The following ZFYVE9 variants were observed in gnomAD, a reference collection of about 807,000 sequenced individuals.
ZFYVE9 encodes zinc finger FYVE-type containing 9.
ZFYVE9 carries 43 observed loss-of-function variants against 126.7 expected under a neutral mutation model. The ratio of observed to expected loss-of-function variants is 0.34; its 90% CI spans 0.27 to 0.44. The LOEUF is 0.44. Ranked by LOEUF, ZFYVE9 falls within the 20% of genes least tolerant of loss-of-function variation. The probability of loss-of-function intolerance (pLI) is 1.00; values close to 1 mark genes in which losing one functional copy is unlikely to be tolerated. For missense variants in ZFYVE9, 1,476 were observed against 1,697.0 expected, an observed-to-expected ratio of 0.87 and a Z score of 2.29; for synonymous variants, 521 against 597.4, an observed-to-expected ratio of 0.87 and a Z score of 1.87.
chr1:52,296,579 A>C (rs1402868715), intron 12 of ZFYVE9, among the ~76,000 whole-genome samples: 1 of 152,044 alleles, frequency 6.6e-6, no homozygotes, highest in Non-Finnish European at 1.5e-5. Flanking sequence ...GGTTGGCTTG[A>C]GTCCACTAAG....
intron 13 of ZFYVE9, among the ~76,000 whole-genome samples, chr1:52,322,843 C>T (rs756214954): frequency 2.6e-4 from 40 of 151,968 alleles, no homozygotes; most frequent in Non-Finnish European, 3.8e-4. Context: ...CTCGCTCTAT[C>T]GCCCAGGCTG....
chr1:52,307,959 A>G (rs991137814), intron 13 of ZFYVE9, among the ~76,000 whole-genome samples: 1 of 151,764 alleles, frequency 6.6e-6, no homozygotes, highest in Non-Finnish European at 1.5e-5. Context: ...TCACCGTGTT[A>G]GCCAGGATGG....
chr1:52,160,263 A>G (rs1264110211), intron 1 of ZFYVE9: 2 of 890,614 alleles, frequency 2.2e-6, no homozygotes, highest in East Asian at 4.8e-5. Context: ...CTTTTCAATT[A>G]AATCTTTACA....
chr1:52,215,748 A>G (rs1420311084), intron 1 of ZFYVE9, among the ~76,000 whole-genome samples: 2 of 152,170 alleles, frequency 1.3e-5, no homozygotes, highest in African/African-American at 4.8e-5. Context: ...CTTAATGGAT[A>G]TTGTCGTATT....
intron 13 of ZFYVE9, among the ~76,000 whole-genome samples, chr1:52,324,270 C>A (rs986648772): frequency 1.1e-4 from 17 of 150,496 alleles, no homozygotes; most frequent in Admixed American, 9.3e-4. Flanking sequence ...CACACACACA[C>A]ACAAAAACAA....
At chr1:52,340,911 A>C (rs1315438985) in intron 17 of ZFYVE9, among the ~76,000 whole-genome samples, 25 of 130,870 alleles carry the variant, frequency 1.9e-4, no homozygotes, top group South Asian at 4.8e-4. Flanking sequence ...TCTCAAAAAA[A>C]AAAAAAAAAA....
rs375205302 is a variant in ZFYVE9, at chr1:52,335,866, GCTCACGC to G, written c.3670+1101_3670+1107del. Among the ~76,000 whole-genome samples the G allele has an allele frequency of 3.9e-3, 597 of 152,270 alleles. 3 individuals carry two copies. The highest frequency in any genetic ancestry group is 0.014 in the African/African-American group (569 of 41,536). The stretch of plus-strand genomic sequence containing the variant: ...GTCCTTTCTTAGGCCGGGTGCGGTG[GCTCACGC>G]CTGTAATCTCAGCACTTTGGGAGGC... On this transcript the variant is annotated intron_variant, in intron 15 of 18. Coordinates refer to ENST00000287727, the MANE Select transcript of ZFYVE9 (RefSeq NM_004799.4).
At chr1:52,305,740 T>C (rs1476315428) in intron 13 of ZFYVE9, among the ~76,000 whole-genome samples, 2 of 151,954 alleles carry the variant, frequency 1.3e-5, no homozygotes, top group African/African-American at 4.8e-5. Context: ...GCTACCCGAG[T>C]TGTGGCTACG....
In ZFYVE9 at chr1:52,239,152, G is replaced by A. The variant is rs1157731522; in HGVS notation, c.1735G>A (p.Ala579Thr). 1.2e-6 allele frequency: 2 copies of A among 1,614,118 alleles called. No individual in the cohort carries two copies. Among genetic ancestry groups the A allele is most frequent in the East Asian group, 4.5e-5 (2 of 44,888 alleles). ...ATCTATCAGTGTTCCTTTTGGTGGTGCAAGACCCAAGCAACCTTCTAATCT... is the reference window on the plus strand; with the variant it reads ...ATCTATCAGTGTTCCTTTTGGTGGTACAAGACCCAAGCAACCTTCTAATCT... The part of the protein sequence containing the change: ...LPSISVPFGG[A>T]RPKQPSNLKL... The change falls in exon 4 of 19, where the codon GCA becomes ACA. Residue 579 changes from alanine (A) to threonine (T), a missense_variant. Ala to Thr is a moderately conservative substitution (Grantham distance 58). Transcript: ENST00000287727.
chr1:52,273,818 CAA>C (rs61193193), intron 7 of ZFYVE9, among the ~76,000 whole-genome samples: 852 of 75,564 alleles, frequency 0.011, 3 homozygotes, highest in South Asian at 0.074. Context: ...GACTCCTTCT[CAA>C]AAAAAAAAAA....
chr1:52,317,874 A>G (rs936012475), intron 13 of ZFYVE9, among the ~76,000 whole-genome samples: 4 of 152,212 alleles, frequency 2.6e-5, no homozygotes, highest in Non-Finnish European at 5.9e-5. Flanking sequence ...TTAAATAGAT[A>G]ACCTAAATAG....
chr1:52,166,605 AC>A (rs1644515999), intron 1 of ZFYVE9, among the ~76,000 whole-genome samples: 1 of 151,712 alleles, frequency 6.6e-6, no homozygotes, highest in Non-Finnish European at 1.5e-5. Flanking sequence ...TACTAATTCT[AC>A]CCTGATGATT....
Position 52,263,758 on chromosome 1 carries a change from C to CCG in ZFYVE9, c.2179-14_2179-13insGC, listed in dbSNP as rs760586396. Reference sequence around the variant, plus strand: ...AAGTAAATTTTGTGTGTTCTTCCCCCCCCCCCCCCCACAGGTTTTCTGTGC... The same window carrying CCG: ...AAGTAAATTTTGTGTGTTCTTCCCCCCGCCCCCCCCCCACAGGTTTTCTGTGC... On this transcript the variant is annotated splice_polypyrimidine_tract_variant and intron_variant, in intron 4 of 18. Transcript: ENST00000287727. 2.3e-5 allele frequency: 16 copies of CCG among 686,096 alleles called. No individual in the cohort carries two copies. Among genetic ancestry groups the CCG allele is most frequent in the African/African-American group, 1.0e-4 (3 of 29,324 alleles). 42.5% of individuals were successfully genotyped at this position (686,096 alleles called of 1,614,324 possible). A position where few individuals can be genotyped will look rare whatever the true frequency, so the allele number is the denominator to read the frequency against.
intron 15 of ZFYVE9, 69 bp downstream of exon 15, chr1:52,334,837 C>A: frequency 6.9e-7 from 1 of 1,458,452 alleles, no homozygotes; most frequent in South Asian, 1.2e-5. Flanking sequence ...ATCCTTTACA[C>A]TTCTGCTGTA....
intron 16 of ZFYVE9, among the ~76,000 whole-genome samples, chr1:52,339,168 G>A (rs1646413594): frequency 6.6e-6 from 1 of 152,220 alleles, no homozygotes; most frequent in South Asian, 2.1e-4. Context: ...ACTATCAGAA[G>A]TGGCCTTTTT....
intron 1 of ZFYVE9, among the ~76,000 whole-genome samples, chr1:52,177,778 C>T (rs1361410434): frequency 3.3e-5 from 5 of 152,022 alleles, no homozygotes; most frequent in Admixed American, 6.6e-5. Context: ...TGGGCACAAA[C>T]GTGTAGCAGT....
chr1:52,332,479 A>AT (rs1465595138), intron 13 of ZFYVE9, among the ~76,000 whole-genome samples: 1 of 87,288 alleles, frequency 1.1e-5, no homozygotes, highest in African/African-American at 4.4e-5. Flanking sequence ...AGCTAAACTA[A>AT]TTTTAGCTAC....
intron 4 of ZFYVE9, among the ~76,000 whole-genome samples, chr1:52,254,519 A>G (rs1301656627): frequency 1.3e-5 from 2 of 152,098 alleles, no homozygotes; most frequent in African/African-American, 2.4e-5. Context: ...GCAAGACCTC[A>G]TCTCTGCCAA....
At chr1:52,212,793 C>T (rs1424115715) in intron 1 of ZFYVE9, among the ~76,000 whole-genome samples, 1 of 151,960 alleles carries the variant, frequency 6.6e-6, no homozygotes, top group Non-Finnish European at 1.5e-5. Context: ...TTAGTGTAGT[C>T]GTTTTGTAAA....
Sources: allele counts gnomAD v4.1 joint callset (sites outside exome capture counted in the v4.1 genomes callset), GRCh38; gene constraint gnomAD v4.1.1; transcripts MANE v1.5; gene names NCBI Gene and HGNC (gene_info 2026-07-23, HGNC 2026-07-21).